Variants in AGBL4 observed in about 807,000 individuals in gnomAD.
AGBL4 encodes the protein AGBL carboxypeptidase 4.
Under a neutral mutation model 66.4 loss-of-function variants are expected in AGBL4, and 58 were observed. The ratio of observed to expected loss-of-function variants is 0.87; its 90% CI spans 0.71 to 1.09. The LOEUF (loss-of-function observed/expected upper bound fraction) is 1.09, where lower values mean the gene tolerates loss of function less well. Ranked by LOEUF, AGBL4 falls within the 50% of genes least tolerant of loss-of-function variation. The pLI is 0.00. For synonymous variants in AGBL4, 234 were observed against 222.9 expected, an observed-to-expected ratio of 1.05 and a Z score of -0.44; for missense variants, 579 against 631.0, an observed-to-expected ratio of 0.92 and a Z score of 0.88.
chr1:48,606,837 G>A (rs940743537), intron 9 of AGBL4, among the ~76,000 whole-genome samples: 2 of 152,128 alleles, frequency 1.3e-5, no homozygotes, highest in South Asian at 2.1e-4. Context: ...AATAACAAGA[G>A]GAAACTATGC....
chr1:49,020,085 T>C (rs1441840646), intron 5 of AGBL4, among the ~76,000 whole-genome samples: 1 of 152,194 alleles, frequency 6.6e-6, no homozygotes, highest in Non-Finnish European at 1.5e-5. Flanking sequence ...CTGAGTGATA[T>C]GGAATAATGT....
chr1:49,472,816 G>A (rs944431139), intron 3 of AGBL4, among the ~76,000 whole-genome samples: 11 of 151,958 alleles, frequency 7.2e-5, no homozygotes, highest in South Asian at 2.1e-4. Context: ...AATGCCTCAC[G>A]CCTTTCCTCC....
At chr1:49,443,946 G>A (rs1364505073) in intron 3 of AGBL4, among the ~76,000 whole-genome samples, 1 of 151,498 alleles carries the variant, frequency 6.6e-6, no homozygotes, top group African/African-American at 2.4e-5. Context: ...CTATTCCACA[G>A]GTTTTCTTAT....
At chr1:49,797,866 C>T (rs1357283492) in intron 2 of AGBL4, among the ~76,000 whole-genome samples, 1 of 151,924 alleles carries the variant, frequency 6.6e-6, no homozygotes. Context: ...CGCGTTCAAG[C>T]GATTCTCTTG....
intron 2 of AGBL4, among the ~76,000 whole-genome samples, chr1:49,806,634 T>A (rs1162961387): frequency 1.3e-5 from 2 of 152,240 alleles, no homozygotes; most frequent in African/African-American, 4.8e-5. Context: ...GAACATTTGA[T>A]AAGATTAATA....
At chr1:49,775,651 A>G (rs1644176656) in intron 2 of AGBL4, among the ~76,000 whole-genome samples, 1 of 152,088 alleles carries the variant, frequency 6.6e-6, no homozygotes, top group Non-Finnish European at 1.5e-5. Context: ...TCCCACCTAA[A>G]TATGTGCTCC....
At chr1:49,563,394 A>C (rs1164550699) in intron 3 of AGBL4, among the ~76,000 whole-genome samples, 1 of 152,138 alleles carries the variant, frequency 6.6e-6, no homozygotes, top group African/African-American at 2.4e-5. Context: ...GCCAGTTTTC[A>C]AAGGGAATGC....
chr1:49,259,513 T>C (rs1410116993), intron 3 of AGBL4, among the ~76,000 whole-genome samples: 2 of 149,360 alleles, frequency 1.3e-5, no homozygotes, highest in Non-Finnish European at 3.0e-5. Flanking sequence ...AATCCTAGTC[T>C]CTGATAAAAC....
chr1:49,946,442 C>A (rs1243367636), intron 1 of AGBL4, among the ~76,000 whole-genome samples: 21 of 151,900 alleles, frequency 1.4e-4, no homozygotes, highest in Admixed American at 1.2e-3. Flanking sequence ...AATGAAATAA[C>A]CTGCTCCTGA....
chr1:49,674,869 A>T (rs966696845), intron 3 of AGBL4, among the ~76,000 whole-genome samples: 1 of 152,182 alleles, frequency 6.6e-6, no homozygotes, highest in Non-Finnish European at 1.5e-5. Context: ...GTGCTTGCAC[A>T]TGCAGTTAAT....
In AGBL4 at chr1:49,411,956, C is replaced by T. The variant is rs917636636; in HGVS notation, c.283-166092G>A. Reference sequence around the variant, plus strand: ...AATATATTATTATCATTAATTGTTACAATGGTAAATTATATTTGGAAAATA... The same window carrying T: ...AATATATTATTATCATTAATTGTTATAATGGTAAATTATATTTGGAAAATA... On this transcript the variant is annotated intron_variant, in intron 3 of 13. Transcript: ENST00000371839. Among the ~76,000 whole-genome samples the T allele has an allele frequency of 3.9e-5, 6 of 152,218 alleles. No homozygotes were observed. The East Asian group carries it at 7.7e-4, about 20-fold the overall frequency.
chr1:49,014,363 G>A (rs931114285), intron 5 of AGBL4, among the ~76,000 whole-genome samples: 1 of 152,204 alleles, frequency 6.6e-6, no homozygotes, highest in African/African-American at 2.4e-5. Flanking sequence ...TTGTCGTTAA[G>A]TGTACAGGCT....
At chr1:49,015,493 G>C (rs1662748227) in intron 5 of AGBL4, among the ~76,000 whole-genome samples, 2 of 147,240 alleles carry the variant, frequency 1.4e-5, no homozygotes, top group East Asian at 2.0e-4. Flanking sequence ...CGCGATCTCC[G>C]TTCACTGCAA....
intron 5 of AGBL4, among the ~76,000 whole-genome samples, chr1:48,904,375 G>A (rs1378504346): frequency 2.6e-5 from 4 of 152,144 alleles, no homozygotes; most frequent in Admixed American, 2.6e-4. Flanking sequence ...AAACATGCAT[G>A]GCCATGGGTT....
intron 5 of AGBL4, among the ~76,000 whole-genome samples, chr1:48,999,275 G>A (rs994072762): frequency 3.3e-5 from 5 of 152,166 alleles, no homozygotes; most frequent in African/African-American, 1.2e-4. Context: ...ACTCACTGAT[G>A]AAGAAGATGG....
chr1:49,402,475 G>C (rs1385574326), intron 3 of AGBL4, among the ~76,000 whole-genome samples: 1 of 151,812 alleles, frequency 6.6e-6, no homozygotes, highest in Non-Finnish European at 1.5e-5. Flanking sequence ...CAATGTGTTT[G>C]TGTATTTTCC....
chr1:49,603,563 T>C (rs1037479923), intron 3 of AGBL4, among the ~76,000 whole-genome samples: 1 of 149,226 alleles, frequency 6.7e-6, no homozygotes, highest in East Asian at 2.0e-4. Flanking sequence ...AATAAATAAA[T>C]AAATAAATAA....
At chr1:49,286,500 C>T (rs1437517455) in intron 3 of AGBL4, among the ~76,000 whole-genome samples, 4 of 152,158 alleles carry the variant, frequency 2.6e-5, no homozygotes, top group Admixed American at 2.0e-4. Context: ...AGCTGATAAG[C>T]AACTTCAGCA....
intron 2 of AGBL4, among the ~76,000 whole-genome samples, chr1:49,819,444 A>G (rs902770290): frequency 6.6e-6 from 1 of 152,188 alleles, no homozygotes; most frequent in Non-Finnish European, 1.5e-5. Flanking sequence ...ACTAAGCAGG[A>G]CAAGGTTCAT....
Sources: allele counts gnomAD v4.1 joint callset (sites outside exome capture counted in the v4.1 genomes callset), GRCh38; gene constraint gnomAD v4.1.1; transcripts MANE v1.5; gene names NCBI Gene and HGNC (gene_info 2026-07-23, HGNC 2026-07-21).